SOS2: variants seen among roughly 807,000 people sequenced by gnomAD.
SOS2 encodes SOS Ras/Rho guanine nucleotide exchange factor 2.
Under a neutral mutation model 148.2 loss-of-function variants are expected in SOS2, and 65 were observed. The observed-to-expected ratio is 0.44, with a 90% CI of 0.36 to 0.54. SOS2 has a LOEUF of 0.54. Among genes scored for constraint, SOS2 ranks in the 20% least tolerant of loss-of-function variants. The pLI, the probability that SOS2 is intolerant of heterozygous loss-of-function variation, is 0.00. For synonymous variants in SOS2, 539 were observed against 537.1 expected (o/e 1.00, Z -0.05); for missense variants, 1,341 against 1,590.2 (o/e 0.84, Z 2.67).
rs578194499 is a variant in SOS2, at chr14:50,206,324, C to T, written c.88-1915G>A. On this transcript the variant is annotated intron_variant, in intron 1 of 22. Transcript: ENST00000216373. ...ATCATCCAGTTCAAAATACAGTCAT[C>T]CTTCAGTGTCTGTGGGAAATTAGTT... 2.0e-5 allele frequency among the ~76,000 whole-genome samples: 3 copies of T among 152,304 alleles called. No individual in the cohort carries two copies. In the South Asian group the frequency reaches 6.2e-4, roughly 32 times the overall value.
At chr14:50,170,392 GA>G (rs1183830225) in intron 8 of SOS2, among the ~76,000 whole-genome samples, 3 of 151,672 alleles carry the variant, frequency 2.0e-5, no homozygotes, top group Non-Finnish European at 2.9e-5. Flanking sequence ...TATATCCAAA[GA>G]AAAAAAATAT....
intron 1 of SOS2, among the ~76,000 whole-genome samples, chr14:50,216,478 G>A (rs750055998): frequency 5.9e-5 from 9 of 151,958 alleles, no homozygotes; most frequent in Non-Finnish European, 1.2e-4. Context: ...CAAAATACTG[G>A]CAGAGCAAGG....
At chr14:50,174,923 C>G (rs990359376) in intron 7 of SOS2, among the ~76,000 whole-genome samples, 1 of 152,168 alleles carries the variant, frequency 6.6e-6, no homozygotes, top group African/African-American at 2.4e-5. Context: ...TCAGGGAATG[C>G]TGTATACTGT....
At chr14:50,156,265 C>T (rs1884816496) in intron 12 of SOS2, 1 of 151,466 alleles carries the variant, frequency 6.6e-6, no homozygotes, top group African/African-American at 2.4e-5. Context: ...CGTACACACA[C>T]ACACACACAC....
chr14:50,130,117 G>T, intron 20 of SOS2, 115 bp from the exon 21 acceptor site: 2 of 656,446 alleles, frequency 3.0e-6, no homozygotes, highest in South Asian at 2.2e-5. Flanking sequence ...ATCATCTTTT[G>T]CCATGTTAGT....
In SOS2 at chr14:50,167,731, G is replaced by A. The variant is rs143112321; in HGVS notation, c.1069-6122C>T. 2.1e-4 allele frequency among the ~76,000 whole-genome samples: 32 copies of A among 151,948 alleles called. No individual in the cohort carries two copies. In the East Asian group the frequency reaches 4.3e-3, roughly 20 times the overall value. On this transcript the variant is annotated intron_variant, in intron 8 of 22. Coordinates refer to ENST00000216373, the MANE Select transcript of SOS2 (RefSeq NM_006939.4). ...CAAACAATACAAAAATTAGAATGGCGTGGTGGTGTGCACCTGTAATCCCAG... is the reference window on the plus strand; with the variant it reads ...CAAACAATACAAAAATTAGAATGGCATGGTGGTGTGCACCTGTAATCCCAG...
At chr14:50,134,778 C>T (rs1196096328) in intron 18 of SOS2, among the ~76,000 whole-genome samples, 2 of 151,862 alleles carry the variant, frequency 1.3e-5, no homozygotes, top group African/African-American at 2.4e-5. Flanking sequence ...AAAGTAATGT[C>T]AAGAATGATT....
intron 18 of SOS2, among the ~76,000 whole-genome samples, chr14:50,137,315 T>C (rs1177322480): frequency 6.6e-6 from 1 of 152,208 alleles, no homozygotes; most frequent in Non-Finnish European, 1.5e-5. Context: ...TGCTGACCCT[T>C]TTCCTATTTA....
chr14:50,157,687 G>A (rs1265733537), intron 11 of SOS2, among the ~76,000 whole-genome samples: 1 of 152,012 alleles, frequency 6.6e-6, no homozygotes, highest in Non-Finnish European at 1.5e-5. Context: ...ACTCAGTCTG[G>A]TAAATTTAGT....
At chr14:50,197,689 CTTTTT>C (rs35121759) in intron 4 of SOS2, among the ~76,000 whole-genome samples, 2 of 125,842 alleles carry the variant, frequency 1.6e-5, no homozygotes, top group Admixed American at 8.4e-5. Context: ...GCTTTACCAC[CTTTTT>C]TTTTTTTTTT....
chr14:50,167,286 T>C (rs907995807), intron 8 of SOS2, among the ~76,000 whole-genome samples: 2 of 152,052 alleles, frequency 1.3e-5, no homozygotes, highest in Non-Finnish European at 2.9e-5. Flanking sequence ...TGCAAGCTCT[T>C]TATGTTATGA....
chr14:50,220,284 T>C (rs1253889643), intron 1 of SOS2, among the ~76,000 whole-genome samples: 2 of 148,950 alleles, frequency 1.3e-5, no homozygotes, highest in Non-Finnish European at 3.0e-5. Context: ...CGGGCGCCTG[T>C]AGTCCCAGCT....
At chr14:50,139,830 A>T in intron 17 of SOS2, 112 bp downstream of exon 17, 1 of 549,806 alleles carries the variant, frequency 1.8e-6, no homozygotes, top group Non-Finnish European at 3.3e-6. Context: ...ACAGAGAGCT[A>T]ATAAAAGTAG....
chr14:50,145,608 A>G lies in SOS2; in HGVS notation c.2385-12T>C, dbSNP rs372154027. On this transcript the variant is annotated splice_polypyrimidine_tract_variant and intron_variant, in intron 14 of 22. Transcript: ENST00000216373. ...ACGGTTGAACTTTCCTATGGAATTGAAAATCAGTGCAACTTAACCTATAAA... is the reference window on the plus strand; with the variant it reads ...ACGGTTGAACTTTCCTATGGAATTGGAAATCAGTGCAACTTAACCTATAAA... The G allele has an allele frequency of 3.1e-5, 48 of 1,550,196 alleles. No individual in the cohort carries two copies. In the African/African-American group the frequency reaches 5.2e-4, roughly 17 times the overall value.
chr14:50,210,459 A>C (rs1267027444), intron 1 of SOS2, among the ~76,000 whole-genome samples: 1 of 152,226 alleles, frequency 6.6e-6, no homozygotes, highest in Admixed American at 6.5e-5. Flanking sequence ...ACTAGATAAT[A>C]TCTTCATGAT....
At chr14:50,201,160 T>C in intron 2 of SOS2, 76 bp from the exon 3 acceptor site, 6 of 1,325,836 alleles carry the variant, frequency 4.5e-6, no homozygotes, top group Non-Finnish European at 4.3e-6. Context: ...AAATTCAACT[T>C]GATCTCTATT....
chr14:50,130,268 C>T (rs182643971), intron 20 of SOS2, among the ~76,000 whole-genome samples: 1 of 152,106 alleles, frequency 6.6e-6, no homozygotes, highest in South Asian at 2.1e-4. Flanking sequence ...GGTAGTGGGA[C>T]CCAAAAGGTA....
intron 7 of SOS2, among the ~76,000 whole-genome samples, chr14:50,176,194 G>T (rs1885517417): frequency 6.6e-6 from 1 of 152,194 alleles, no homozygotes; most frequent in African/African-American, 2.4e-5. Context: ...CTATGAACCA[G>T]AAGAGCAAAC....
At chr14:50,229,871 C>T (rs1887488664) in intron 1 of SOS2, among the ~76,000 whole-genome samples, 1 of 152,184 alleles carries the variant, frequency 6.6e-6, no homozygotes, top group African/African-American at 2.4e-5. Context: ...GCATTTCCCC[C>T]TTTGCTTTTA....
Sources: allele counts gnomAD v4.1 joint callset (sites outside exome capture counted in the v4.1 genomes callset), GRCh38; gene constraint gnomAD v4.1.1; transcripts MANE v1.5; gene names NCBI Gene and HGNC (gene_info 2026-07-23, HGNC 2026-07-21).